Variants in FHIT observed in about 807,000 individuals in gnomAD.
FHIT encodes the protein fragile histidine triad diadenosine triphosphatase, also known as bis(5'-adenosyl)-triphosphatase.
Under a neutral mutation model 17.9 loss-of-function variants are expected in FHIT, and 19 were observed. That is an observed-to-expected ratio of 1.06 (90% confidence interval 0.74 to 1.56). The LOEUF is 1.56. FHIT is among the 40% of genes most tolerant of loss of function. The probability of loss-of-function intolerance (pLI) is 0.00; values close to 1 mark genes in which losing one functional copy is unlikely to be tolerated. For synonymous variants in FHIT, 81 were observed against 69.7 expected, an observed-to-expected ratio of 1.16 and a Z score of -0.81; for missense variants, 248 against 189.2, an observed-to-expected ratio of 1.31 and a Z score of -1.82.
At chr3:60,384,546 T>C (rs938660776) in intron 5 of FHIT, among the ~76,000 whole-genome samples, 3 of 152,198 alleles carry the variant, frequency 2.0e-5, no homozygotes, top group African/African-American at 7.2e-5. Context: ...TAACCCCTGA[T>C]AGTTTATTAG....
intron 3 of FHIT, among the ~76,000 whole-genome samples, chr3:61,018,721 T>C (rs2032248052): frequency 1.3e-5 from 2 of 152,244 alleles, no homozygotes; most frequent in African/African-American, 4.8e-5. Context: ...TAATTTATAC[T>C]AAATTATAAA....
chr3:60,534,859 T>A (rs1415785116), intron 5 of FHIT, among the ~76,000 whole-genome samples: 1 of 152,202 alleles, frequency 6.6e-6, no homozygotes, highest in Non-Finnish European at 1.5e-5. Context: ...CTACAGATAT[T>A]TTCCTAGACA....
intron 5 of FHIT, among the ~76,000 whole-genome samples, chr3:60,293,990 A>G (rs1211848748): frequency 6.6e-6 from 1 of 152,172 alleles, no homozygotes; most frequent in African/African-American, 2.4e-5. Context: ...CATTTTAAAA[A>G]GCAATCTCAG....
intron 5 of FHIT, among the ~76,000 whole-genome samples, chr3:60,098,473 T>C (rs1704057944): frequency 1.3e-5 from 2 of 152,020 alleles, no homozygotes; most frequent in Admixed American, 6.6e-5. Context: ...CCAGTGATGA[T>C]GAGCATTTTT....
chr3:59,884,927 C>G (rs1260276982), intron 8 of FHIT, among the ~76,000 whole-genome samples: 1 of 152,178 alleles, frequency 6.6e-6, no homozygotes. Flanking sequence ...TAGTTTATAA[C>G]TGTAACATTT....
At chr3:60,911,102 G>A (rs782456677) in intron 3 of FHIT, among the ~76,000 whole-genome samples, 26 of 151,996 alleles carry the variant, frequency 1.7e-4, no homozygotes, top group Admixed American at 1.4e-3. Flanking sequence ...GTTTTTGTCC[G>A]CATTTCAGTA....
chr3:59,910,107 A>AT (rs1704796174), intron 8 of FHIT, among the ~76,000 whole-genome samples: 1 of 152,226 alleles, frequency 6.6e-6, no homozygotes, highest in Non-Finnish European at 1.5e-5. Flanking sequence ...TTCTGAGGAC[A>AT]TGTGCCCAAG....
intron 5 of FHIT, among the ~76,000 whole-genome samples, chr3:60,342,505 T>C (rs1160839291): frequency 1.3e-5 from 2 of 152,252 alleles, no homozygotes; most frequent in African/African-American, 4.8e-5. Context: ...TTTGTGTCTT[T>C]AAATACATTC....
At chr3:61,188,882 A>G (rs2038615343) in intron 2 of FHIT, among the ~76,000 whole-genome samples, 1 of 151,962 alleles carries the variant, frequency 6.6e-6, no homozygotes, top group South Asian at 2.1e-4. Flanking sequence ...AAATTCAACA[A>G]CCCTTCATGC....
chr3:61,119,290 C>T (rs1354925204), intron 2 of FHIT, among the ~76,000 whole-genome samples: 1 of 152,024 alleles, frequency 6.6e-6, no homozygotes, highest in African/African-American at 2.4e-5. Flanking sequence ...GTGATCTCAG[C>T]TCACTGCAAC....
At chr3:59,982,206 T>A (rs1447972467) in intron 7 of FHIT, among the ~76,000 whole-genome samples, 1 of 152,154 alleles carries the variant, frequency 6.6e-6, no homozygotes, top group Non-Finnish European at 1.5e-5. Flanking sequence ...ATGGGGCTTA[T>A]GAATCCTATT....
intron 5 of FHIT, among the ~76,000 whole-genome samples, chr3:60,251,916 T>C (rs1412305402): frequency 6.6e-6 from 1 of 152,184 alleles, no homozygotes; most frequent in Non-Finnish European, 1.5e-5. Flanking sequence ...TAATAGTGTT[T>C]CACAGTTTAT....
At chr3:61,026,018 AT>A (rs2032713343) in intron 3 of FHIT, among the ~76,000 whole-genome samples, 1 of 152,128 alleles carries the variant, frequency 6.6e-6, no homozygotes, top group South Asian at 2.1e-4. Flanking sequence ...ATATTTCTAA[AT>A]GTTAAAATCT....
chr3:60,734,877 T>A (rs1237513822), intron 4 of FHIT, among the ~76,000 whole-genome samples: 2 of 152,204 alleles, frequency 1.3e-5, no homozygotes, highest in African/African-American at 4.8e-5. Flanking sequence ...AAACTGTAAA[T>A]GACTTTGCAG....
chr3:60,491,359 C>A, intron 5 of FHIT, among the ~76,000 whole-genome samples: 1 of 151,964 alleles, frequency 6.6e-6, no homozygotes, highest in East Asian at 1.9e-4. Context: ...GCTGACACAA[C>A]CAACCTTATA....
intron 5 of FHIT, among the ~76,000 whole-genome samples, chr3:60,350,467 AAATTGTACG>A (rs1201960112): frequency 1.3e-5 from 2 of 152,172 alleles, no homozygotes; most frequent in African/African-American, 4.8e-5. Flanking sequence ...ATTATCTCCA[AAATTGTACG>A]TAACGTCACA....
rs1199531048 is a variant in FHIT, at chr3:60,630,948, A to C, written c.-17-93969T>G. On this transcript the variant is annotated intron_variant, in intron 4 of 9. Coordinates refer to ENST00000492590, the MANE Select transcript of FHIT (RefSeq NM_002012.4). ...TCCCAGGTCATTAAAAAAAAAAAAAAAAAAAAAACACACAGAAATAACTGA... is the reference window on the plus strand; with the variant it reads ...TCCCAGGTCATTAAAAAAAAAAAAACAAAAAAAACACACAGAAATAACTGA... Among the ~76,000 whole-genome samples the C allele has an allele frequency of 5.3e-4, 58 of 109,960 alleles. 1 individual carries two copies. The highest frequency in any genetic ancestry group is 1.5e-3 in the Admixed American group (14 of 9,298). 72.1% of individuals were successfully genotyped at this position (109,960 alleles called of 152,430 possible).
chr3:60,288,799 A>C (rs1707849721), intron 5 of FHIT, among the ~76,000 whole-genome samples: 1 of 152,306 alleles, frequency 6.6e-6, no homozygotes, highest in East Asian at 1.9e-4. Context: ...TTCTTTATTA[A>C]GACATTATAC....
chr3:61,016,024 T>C (rs983815655), intron 3 of FHIT, among the ~76,000 whole-genome samples: 7 of 152,364 alleles, frequency 4.6e-5, no homozygotes, highest in Admixed American at 4.6e-4. Flanking sequence ...TTCACTAGGC[T>C]ACTCTCTTAG....
Sources: gnomAD v4.1 joint callset for allele counts (sites outside exome capture counted in the v4.1 genomes callset) on GRCh38, gnomAD v4.1.1 for gene constraint, MANE v1.5 for transcripts, NCBI Gene and HGNC (gene_info 2026-07-23, HGNC 2026-07-21) for gene names.